The following FNBP1L variants were observed in gnomAD, a reference collection of about 807,000 sequenced individuals.
The protein encoded by FNBP1L is formin-binding protein 1-like.
Under a neutral mutation model 91.2 loss-of-function variants are expected in FNBP1L, and 36 were observed. The observed-to-expected ratio is 0.39, with a 90% CI of 0.30 to 0.52. The LOEUF (loss-of-function observed/expected upper bound fraction) is 0.52. Among genes scored for constraint, FNBP1L ranks in the 20% least tolerant of loss-of-function variants. The pLI is 0.66. For missense variants in FNBP1L, 571 were observed against 732.1 expected, an observed-to-expected ratio of 0.78 and a Z score of 2.54; for synonymous variants, 242 against 237.0, an observed-to-expected ratio of 1.02 and a Z score of -0.19.
At chr1:93,457,246 T>C (rs1443693568) in intron 1 of FNBP1L, among the ~76,000 whole-genome samples, 3 of 152,230 alleles carry the variant, frequency 2.0e-5, no homozygotes, top group South Asian at 2.1e-4. Flanking sequence ...AAATTTCATA[T>C]AAATGATACC....
At chr1:93,525,322 TTTTAAAAATGCA>T (rs1406995994) in intron 5 of FNBP1L, among the ~76,000 whole-genome samples, 4 of 152,120 alleles carry the variant, frequency 2.6e-5, no homozygotes, top group Admixed American at 6.5e-5. Flanking sequence ...TTTCTTTCCC[TTTTAAAAATGCA>T]TTTTCAAAAC....
In FNBP1L at chr1:93,505,502, T is replaced by A. The variant is rs1670579646; in HGVS notation, c.140+5919T>A. On this transcript the variant is annotated intron_variant, in intron 2 of 16. Coordinates refer to ENST00000271234, the MANE Select transcript of FNBP1L (RefSeq NM_001164473.3). ...AAGGAGGAAGTAACTTGTGGAATGT[T>A]GAGAAAGGTAAAAACACTTTTAAAT... Among the ~76,000 whole-genome samples, 3 of 152,262 alleles carry A rather than the reference T, an allele frequency of 2.0e-5. No homozygotes were observed. The South Asian group carries it at 6.2e-4, about 32-fold the overall frequency.
At chr1:93,486,301 TA>T (rs1334878061) in intron 1 of FNBP1L, among the ~76,000 whole-genome samples, 3 of 152,042 alleles carry the variant, frequency 2.0e-5, no homozygotes, top group African/African-American at 2.4e-5. Flanking sequence ...ATTTTGGAAT[TA>T]AAAAAAATCA....
In FNBP1L at chr1:93,448,192, C is replaced by G; in HGVS notation, c.-90C>G. ...CGAGGTAGACCCGCTGAGCTGCTAGCCCGCCGGCCAGCGAGTGAGAGGTCG... is the reference window on the plus strand; with the variant it reads ...CGAGGTAGACCCGCTGAGCTGCTAGGCCGCCGGCCAGCGAGTGAGAGGTCG... On this transcript the variant is annotated 5_prime_UTR_variant, in exon 1 of 17. Coordinates refer to ENST00000271234, the MANE Select transcript of FNBP1L (RefSeq NM_001164473.3). The G allele has an allele frequency of 2.0e-6, 3 of 1,488,934 alleles. No individual in the cohort carries two copies. In the South Asian group the frequency reaches 3.7e-5, roughly 19 times the overall value. The allele number at this position is 1,488,934 out of a possible 1,614,324, so 92.2% of individuals were successfully genotyped here.
At chr1:93,496,841 T>C (rs1670278756) in intron 1 of FNBP1L, among the ~76,000 whole-genome samples, 1 of 152,114 alleles carries the variant, frequency 6.6e-6, no homozygotes, top group East Asian at 1.9e-4. Flanking sequence ...TAAATGTTAA[T>C]TTCATCTAAA....
chr1:93,517,136 C>T (rs1671152761), intron 2 of FNBP1L, among the ~76,000 whole-genome samples: 2 of 151,368 alleles, frequency 1.3e-5, no homozygotes, highest in Non-Finnish European at 2.9e-5. Flanking sequence ...CTCCGCTTTC[C>T]GGATTCAAGC....
At position 93,524,698 on chromosome 1, in the gene FNBP1L, A is replaced by G. The variant is rs1374243113; in HGVS notation, c.405+375A>G. ...GACTATTTCCTGAGGACTGAGAATA[A>G]TCAAGGTTCTTTTTCTACCTTTAAC... is the stretch of plus-strand genomic sequence containing the variant. On this transcript the variant is annotated intron_variant, in intron 5 of 16. Transcript: ENST00000271234. Among the ~76,000 whole-genome samples, 4 of 151,684 alleles carry G rather than the reference A, an allele frequency of 2.6e-5. No individual in the cohort carries two copies. In the East Asian group the frequency reaches 7.7e-4, roughly 29 times the overall value.
At chr1:93,538,183 G>A (rs1671907385) in intron 10 of FNBP1L, among the ~76,000 whole-genome samples, 1 of 150,604 alleles carries the variant, frequency 6.6e-6, no homozygotes, top group African/African-American at 2.4e-5. Context: ...CGAGGTAAGT[G>A]TAATTCTAAG....
chr1:93,529,825 A>G, intron 6 of FNBP1L, 69 bp downstream of exon 6: 1 of 893,120 alleles, frequency 1.1e-6, no homozygotes, highest in Non-Finnish European at 1.7e-6. Context: ...TAGTCACGAC[A>G]TTTGTATGAC....
At chr1:93,519,839 C>T (rs1328126414) in intron 2 of FNBP1L, among the ~76,000 whole-genome samples, 1 of 152,086 alleles carries the variant, frequency 6.6e-6, no homozygotes, top group Admixed American at 6.5e-5. Context: ...TGCCTGTAGT[C>T]CCAACTACTT....
At chr1:93,547,103 A>G in intron 13 of FNBP1L, 129 bp downstream of exon 13, 1 of 1,133,354 alleles carries the variant, frequency 8.8e-7, no homozygotes, top group East Asian at 2.6e-5. Context: ...TAAAAGTATT[A>G]TTGTGATGTG....
In FNBP1L at chr1:93,507,107, ACTCTCTCTCTCTCT is replaced by A. The variant is rs545137195; in HGVS notation, c.140+7555_140+7568del. 2.6e-4 allele frequency among the ~76,000 whole-genome samples: 12 copies of A among 45,538 alleles called. No homozygotes were observed. In the South Asian group the frequency reaches 4.6e-3, roughly 18 times the overall value. The allele number at this position is 45,538 out of a possible 152,430, so 29.9% of individuals were successfully genotyped here. A position where few individuals can be genotyped will look rare whatever the true frequency, so the allele number is the denominator to read the frequency against. On this transcript the variant is annotated intron_variant, in intron 2 of 16. Transcript: ENST00000271234. ...CACACACACACACACACACACACACACTCTCTCTCTCTCTCTCTCTCTCTCTCTCTCTCTCTCTC... is the reference window on the plus strand; with the variant it reads ...CACACACACACACACACACACACACACTCTCTCTCTCTCTCTCTCTCTCTC...
chr1:93,522,208 A>T lies in FNBP1L; in HGVS notation c.194+73A>T, dbSNP rs987590898. On this transcript the variant is annotated intron_variant, in intron 3 of 16. Coordinates refer to ENST00000271234, the MANE Select transcript of FNBP1L (RefSeq NM_001164473.3). ...ACTTATATTTTTATTATTTAGTAAG[A>T]TATATTCTTAGCTTTTTATAAAGAT... 1.5e-5 allele frequency: 10 copies of T among 680,454 alleles called. No individual in the cohort carries two copies. The East Asian group carries it at 3.8e-4, about 26-fold the overall frequency. The allele number at this position is 680,454 out of a possible 1,614,324, so 42.2% of individuals were successfully genotyped here.
chr1:93,454,830 C>T (rs540224946), intron 1 of FNBP1L, among the ~76,000 whole-genome samples: 1 of 152,260 alleles, frequency 6.6e-6, no homozygotes, highest in Admixed American at 6.5e-5. Flanking sequence ...TAGGTATAAG[C>T]AGTCTAGAGA....
At chr1:93,543,358 A>T (rs549947096) in intron 11 of FNBP1L, among the ~76,000 whole-genome samples, 2 of 152,302 alleles carry the variant, frequency 1.3e-5, no homozygotes, top group Non-Finnish European at 2.9e-5. Flanking sequence ...TCAAAACTTT[A>T]AAAAATTTTC....
At chr1:93,502,948 T>A (rs1415379728) in intron 2 of FNBP1L, among the ~76,000 whole-genome samples, 1 of 152,212 alleles carries the variant, frequency 6.6e-6, no homozygotes, top group East Asian at 1.9e-4. Context: ...ATGTCTTTTA[T>A]CCAAAGGGAA....
chr1:93,461,338 G>A (rs1668853154), intron 1 of FNBP1L, among the ~76,000 whole-genome samples: 7 of 152,198 alleles, frequency 4.6e-5, no homozygotes, highest in South Asian at 4.1e-4. Context: ...GCTGTTTATG[G>A]TGTTGGGAGC....
chr1:93,517,672 AGTTT>A (rs1671176017), intron 2 of FNBP1L, among the ~76,000 whole-genome samples: 1 of 152,248 alleles, frequency 6.6e-6, no homozygotes, highest in Admixed American at 6.5e-5. Flanking sequence ...AGTGGGACAT[AGTTT>A]GTTTACCTGT....
At chr1:93,480,004 G>C (rs764362181) in intron 1 of FNBP1L, among the ~76,000 whole-genome samples, 32 of 152,174 alleles carry the variant, frequency 2.1e-4, no homozygotes, top group South Asian at 4.1e-4. Flanking sequence ...CACAATTTAT[G>C]TTCAGAGATT....
Sources: allele counts gnomAD v4.1 joint callset (sites outside exome capture counted in the v4.1 genomes callset), GRCh38; gene constraint gnomAD v4.1.1; transcripts MANE v1.5; gene names NCBI Gene and HGNC (gene_info 2026-07-23, HGNC 2026-07-21).